ANKIB1: variants seen among roughly 807,000 people sequenced by gnomAD.
The protein encoded by ANKIB1 is ankyrin repeat and IBR domain-containing protein 1.
A neutral mutation model predicts 122.1 loss-of-function variants in ANKIB1; 43 were observed. That is an observed-to-expected ratio of 0.35 (90% CI 0.28 to 0.45). The LOEUF (loss-of-function observed/expected upper bound fraction) is 0.45, where lower values mean the gene tolerates loss of function less well. Among genes scored for constraint, ANKIB1 ranks in the 20% least tolerant of loss-of-function variants. The pLI, the probability that ANKIB1 is intolerant of heterozygous loss-of-function variation, is 1.00. For synonymous variants in ANKIB1, 390 were observed against 442.0 expected (o/e 0.88, Z 1.48); for missense variants, 992 against 1,329.5 (o/e 0.75, Z 3.95).
intron 4 of ANKIB1, among the ~76,000 whole-genome samples, chr7:92,324,253 A>T (rs1802975701): frequency 6.6e-6 from 1 of 152,174 alleles, no homozygotes; most frequent in Non-Finnish European, 1.5e-5. Context: ...TTATTTTTTG[A>T]GACAGAGTCT....
At chr7:92,355,507 A>G (rs1287364918) in intron 9 of ANKIB1, among the ~76,000 whole-genome samples, 5 of 152,186 alleles carry the variant, frequency 3.3e-5, no homozygotes, top group South Asian at 2.1e-4. Flanking sequence ...ACACATAGAC[A>G]GTCAAACATA....
chr7:92,350,056 A>T (rs1014592756), intron 7 of ANKIB1, among the ~76,000 whole-genome samples: 1 of 151,860 alleles, frequency 6.6e-6, no homozygotes, highest in African/African-American at 2.4e-5. Flanking sequence ...CCCTGCTTTT[A>T]ATCTAACCTT....
chr7:92,261,390 GTTTGTTTTGT>G lies in ANKIB1; in HGVS notation c.-91+14899_-91+14908del, dbSNP rs3041533. On this transcript the variant is annotated intron_variant, in intron 1 of 19. Coordinates refer to ENST00000265742, the MANE Select transcript of ANKIB1 (RefSeq NM_019004.2). Reference sequence around the variant, plus strand: ...AAGAAAAGAAATTACTATGTTTTTTGTTTGTTTTGTTTTGTTTTGTTTTGTTTTGTTTTGT... The same window carrying G: ...AAGAAAAGAAATTACTATGTTTTTTGTTTGTTTTGTTTTGTTTTGTTTTGT... Among the ~76,000 whole-genome samples the G allele has an allele frequency of 4.1e-3, 592 of 145,074 alleles. 4 individuals are homozygous for G. The highest frequency in any genetic ancestry group is 0.014 in the East Asian group (66 of 4,646).
intron 2 of ANKIB1, among the ~76,000 whole-genome samples, chr7:92,304,758 A>G (rs1347343569): frequency 1.3e-5 from 2 of 152,204 alleles, no homozygotes; most frequent in African/African-American, 2.4e-5. Context: ...ATCCACTATA[A>G]TTCAATCATA....
At chr7:92,278,145 G>C (rs897192472) in intron 1 of ANKIB1, among the ~76,000 whole-genome samples, 1 of 151,944 alleles carries the variant, frequency 6.6e-6, no homozygotes, top group Non-Finnish European at 1.5e-5. Flanking sequence ...TAGCTACTCA[G>C]GAGGCTAAGG....
At chr7:92,396,223 A>T in intron 17 of ANKIB1, 142 bp from the exon 18 acceptor site, 1 of 633,902 alleles carries the variant, frequency 1.6e-6, no homozygotes, top group Admixed American at 3.0e-5. Context: ...GCATGGCAAA[A>T]CCTGATGTTT....
intron 16 of ANKIB1, among the ~76,000 whole-genome samples, chr7:92,391,570 C>T (rs1237082868): frequency 6.6e-6 from 1 of 151,736 alleles, no homozygotes; most frequent in African/African-American, 2.4e-5. Context: ...GCTCCTTAGA[C>T]TAAATTAACC....
chr7:92,350,808 G>C (rs1473533226), intron 7 of ANKIB1, 142 bp from the exon 8 acceptor site: 1 of 737,894 alleles, frequency 1.4e-6, no homozygotes, highest in Non-Finnish European at 2.1e-6. Flanking sequence ...AGTGATCTGT[G>C]ATCGTGCCAC....
chr7:92,273,180 C>T (rs567266761), intron 1 of ANKIB1, among the ~76,000 whole-genome samples: 1 of 152,260 alleles, frequency 6.6e-6, no homozygotes, highest in African/African-American at 2.4e-5. Context: ...AGAATGCCTT[C>T]AAATTCAAGA....
chr7:92,316,178 C>G (rs1802790247), intron 3 of ANKIB1, among the ~76,000 whole-genome samples: 1 of 152,218 alleles, frequency 6.6e-6, no homozygotes, highest in Non-Finnish European at 1.5e-5. Context: ...ATTCAGTCCT[C>G]CTATTAAGCC....
At chr7:92,357,905 A>G (rs1803856546) in intron 9 of ANKIB1, among the ~76,000 whole-genome samples, 1 of 152,022 alleles carries the variant, frequency 6.6e-6, no homozygotes, top group Non-Finnish European at 1.5e-5. Context: ...TTCTGAGTTT[A>G]TTTTTCCAGA....
chr7:92,364,278 C>A (rs1240839740), intron 10 of ANKIB1, among the ~76,000 whole-genome samples: 1 of 135,382 alleles, frequency 7.4e-6, no homozygotes, highest in African/African-American at 2.8e-5. Context: ...CCCCACTGCA[C>A]TCTAGCCTGG....
chr7:92,265,974 C>G (rs1801664952), intron 1 of ANKIB1, among the ~76,000 whole-genome samples: 1 of 152,156 alleles, frequency 6.6e-6, no homozygotes, highest in Admixed American at 6.5e-5. Context: ...AGTTAAACTC[C>G]TAAAACAGAA....
intron 11 of ANKIB1, among the ~76,000 whole-genome samples, chr7:92,378,480 C>CAAAA (rs146294657): frequency 2.5e-5 from 2 of 80,376 alleles, no homozygotes; most frequent in South Asian, 3.6e-4. Context: ...AGCTATTTGA[C>CAAAA]AAAAAAAAAA....
intron 9 of ANKIB1, among the ~76,000 whole-genome samples, chr7:92,359,078 G>GT (rs774095319): frequency 2.0e-5 from 3 of 151,194 alleles, no homozygotes; most frequent in South Asian, 2.1e-4. Context: ...AACGTATCCA[G>GT]TTTTTTTTTC....
Position 92,390,193 on chromosome 7 carries a change from TTTTA to T in ANKIB1, c.2052+82_2052+85del. ...AATTTTTCATTTTTGAAACCACTTG[TTTTA>T]TTTAATGTGGACATGATTACTAAAA... is the stretch of plus-strand genomic sequence containing the variant. On this transcript the variant is annotated intron_variant, in intron 15 of 19. Coordinates refer to ENST00000265742, the MANE Select transcript of ANKIB1 (RefSeq NM_019004.2). 6 of 1,108,524 alleles carry T rather than the reference TTTTA, an allele frequency of 5.4e-6. No individual in the cohort carries two copies. In the South Asian group the frequency reaches 9.1e-5, roughly 17 times the overall value. The allele number at this position is 1,108,524 out of a possible 1,614,324, so 68.7% of individuals were successfully genotyped here. A position where few individuals can be genotyped will look rare whatever the true frequency, so the allele number is the denominator to read the frequency against.
rs543730654 is a variant in ANKIB1, at chr7:92,277,822, G to A, written c.-90-17067G>A. ...AAATAGGCCAGGCATGGTAGCTCAC[G>A]CTTGTAATCCCAGCACTTTGGGAGG... On this transcript the variant is annotated intron_variant, in intron 1 of 19. Transcript: ENST00000265742. 5.3e-5 allele frequency among the ~76,000 whole-genome samples: 8 copies of A among 151,990 alleles called. No homozygotes were observed. In the East Asian group the frequency reaches 7.8e-4, roughly 15 times the overall value.
chr7:92,246,465 G>A lies in ANKIB1; in HGVS notation c.-145G>A, dbSNP rs1401224408. 4 of 517,986 alleles carry A rather than the reference G, an allele frequency of 7.7e-6. No individual in the cohort carries two copies. The highest frequency in any genetic ancestry group is 1.5e-5 in the Non-Finnish European group (4 of 259,750). 32.1% of individuals were successfully genotyped at this position (517,986 alleles called of 1,614,324 possible). A position where few individuals can be genotyped will look rare whatever the true frequency, so the allele number is the denominator to read the frequency against. On this transcript the variant is annotated 5_prime_UTR_variant, in exon 1 of 20. Coordinates refer to ENST00000265742, the MANE Select transcript of ANKIB1 (RefSeq NM_019004.2). ...CTGTAGAGGCAGGGGCGGCGGAGGC[G>A]GAACTGCGGAGTTGCTGGGTCCACC...
At chr7:92,268,769 CT>C (rs1376822842) in intron 1 of ANKIB1, among the ~76,000 whole-genome samples, 1 of 152,240 alleles carries the variant, frequency 6.6e-6, no homozygotes, top group Admixed American at 6.5e-5. Context: ...AGCCACTACA[CT>C]TGGCCTGTCT....
Sources: allele counts gnomAD v4.1 joint callset (sites outside exome capture counted in the v4.1 genomes callset), GRCh38; gene constraint gnomAD v4.1.1; transcripts MANE v1.5; gene names NCBI Gene and HGNC (gene_info 2026-07-23, HGNC 2026-07-21).